KAZN: variants seen among roughly 807,000 people sequenced by gnomAD.
The protein encoded by KAZN is kazrin, periplakin interacting protein.
In KAZN, 40 loss-of-function variants were observed where a neutral mutation model predicts 87.4. That is an observed-to-expected ratio of 0.46 (90% confidence interval 0.36 to 0.60). KAZN has a LOEUF of 0.60. Ranked by LOEUF, KAZN falls within the 20% of genes least tolerant of loss-of-function variation. The probability of loss-of-function intolerance (pLI) is 0.00; values close to 1 mark genes in which losing one functional copy is unlikely to be tolerated. For synonymous variants in KAZN, 466 were observed against 458.3 expected (o/e 1.02, Z -0.22); for missense variants, 898 against 1,073.9 (o/e 0.84, Z 2.29).
chr1:14,592,469 A>G (rs1676260033), intron 2 of KAZN, among the ~76,000 whole-genome samples: 1 of 152,212 alleles, frequency 6.6e-6, no homozygotes, highest in Non-Finnish European at 1.5e-5. Flanking sequence ...GTAAATGCAG[A>G]TATCGAGACA....
intron 1 of KAZN, among the ~76,000 whole-genome samples, chr1:14,801,200 G>A (rs1646004977): frequency 6.6e-6 from 1 of 152,100 alleles, no homozygotes; most frequent in South Asian, 2.1e-4. Flanking sequence ...AGTCGGAGCC[G>A]TCTCAGGGTG....
intron 2 of KAZN, among the ~76,000 whole-genome samples, chr1:14,330,196 T>C (rs545033603): frequency 1.3e-5 from 2 of 152,094 alleles, no homozygotes; most frequent in African/African-American, 2.4e-5. Context: ...TTTGTTGGGG[T>C]TTTTTTGCCT....
At chr1:14,217,219 A>G (rs1646976988) in intron 2 of KAZN, among the ~76,000 whole-genome samples, 1 of 152,178 alleles carries the variant, frequency 6.6e-6, no homozygotes, top group Non-Finnish European at 1.5e-5. Flanking sequence ...CTGTGGGCCA[A>G]TAAATTTTTC....
intron 2 of KAZN, among the ~76,000 whole-genome samples, chr1:14,318,449 G>A (rs963378162): frequency 1.4e-4 from 22 of 152,090 alleles, no homozygotes; most frequent in African/African-American, 5.3e-4. Flanking sequence ...TGAGTTTAAT[G>A]TGTGAGTTTT....
chr1:14,046,467 G>C (rs1642078404), intron 1 of KAZN, among the ~76,000 whole-genome samples: 1 of 152,112 alleles, frequency 6.6e-6, no homozygotes, highest in South Asian at 2.1e-4. Context: ...GATGAAAGAA[G>C]CCCAAGGGTG....
intron 1 of KAZN, among the ~76,000 whole-genome samples, chr1:13,916,869 C>T (rs937126415): frequency 2.6e-5 from 4 of 151,666 alleles, no homozygotes; most frequent in East Asian, 1.9e-4. Context: ...TGAGTGGGCT[C>T]GGGGAGAATG....
intron 1 of KAZN, among the ~76,000 whole-genome samples, chr1:13,968,537 T>C (rs1642024451): frequency 6.6e-6 from 1 of 152,204 alleles, no homozygotes; most frequent in African/African-American, 2.4e-5. Context: ...GGGTCTACAC[T>C]TCCTATCTAC....
chr1:14,527,866 GCC>G (rs890401264), intron 2 of KAZN, among the ~76,000 whole-genome samples: 10 of 152,062 alleles, frequency 6.6e-5, no homozygotes, highest in Admixed American at 5.9e-4. Context: ...CTTCTATCAG[GCC>G]CCACCTCCAA....
intron 1 of KAZN, among the ~76,000 whole-genome samples, chr1:14,855,126 C>G (rs1450813762): frequency 2.0e-5 from 3 of 152,128 alleles, no homozygotes; most frequent in African/African-American, 7.2e-5. Flanking sequence ...GTCTAGGAAG[C>G]ATGGCTGGGG....
intron 1 of KAZN, among the ~76,000 whole-genome samples, chr1:14,854,808 A>G (rs1275002590): frequency 6.6e-6 from 1 of 152,102 alleles, no homozygotes; most frequent in African/African-American, 2.4e-5. Context: ...CATCTCCCCT[A>G]GTTCCTAAAG....
chr1:14,091,286 C>A (rs1643987494), intron 1 of KAZN, among the ~76,000 whole-genome samples: 1 of 152,160 alleles, frequency 6.6e-6, no homozygotes. Flanking sequence ...CCTCTCACTG[C>A]ATCTTGGTCT....
intron 2 of KAZN, among the ~76,000 whole-genome samples, chr1:14,400,682 G>A (rs1473880974): frequency 1.3e-5 from 2 of 152,128 alleles, no homozygotes; most frequent in Non-Finnish European, 2.9e-5. Context: ...GCTTTATTCA[G>A]CCCATCAACC....
intron 2 of KAZN, among the ~76,000 whole-genome samples, chr1:14,452,249 TG>T (rs1667317865): frequency 6.6e-6 from 1 of 152,104 alleles, no homozygotes; most frequent in Non-Finnish European, 1.5e-5. Context: ...CAACTTTGAA[TG>T]GGTAGACTAA....
At chr1:14,240,698 C>T (rs1390614911) in intron 2 of KAZN, among the ~76,000 whole-genome samples, 1 of 152,222 alleles carries the variant, frequency 6.6e-6, no homozygotes, top group African/African-American at 2.4e-5. Flanking sequence ...TCTCTTGGGC[C>T]TTTTGTCCAA....
intron 1 of KAZN, among the ~76,000 whole-genome samples, chr1:14,896,598 G>A (rs1655303768): frequency 6.6e-6 from 1 of 152,186 alleles, no homozygotes; most frequent in Non-Finnish European, 1.5e-5. Context: ...GATCTCTGCT[G>A]GTGGGGAGCA....
rs556386329 is a variant in KAZN, at chr1:14,031,261, AC to A, written c.91+137506del. On this transcript the variant is annotated intron_variant, in intron 1 of 16. Coordinates refer to the KAZN transcript ENST00000636203. ...ACAATTCAGACTTCAATAGGGACCC[AC>A]ATTAATATAATTATATACAAAAAAT... Among the ~76,000 whole-genome samples, 6 of 152,366 alleles carry A rather than the reference AC, an allele frequency of 3.9e-5. No homozygotes were observed. The East Asian group carries it at 1.2e-3, about 29-fold the overall frequency.
intron 1 of KAZN, among the ~76,000 whole-genome samples, chr1:13,913,257 A>G (rs1178800862): frequency 6.6e-6 from 1 of 152,156 alleles, no homozygotes; most frequent in Non-Finnish European, 1.5e-5. Context: ...GAGAGAAACT[A>G]GAGGAATTGT....
At chr1:14,414,210 T>G (rs1451803393) in intron 2 of KAZN, among the ~76,000 whole-genome samples, 1 of 152,130 alleles carries the variant, frequency 6.6e-6, no homozygotes, top group African/African-American at 2.4e-5. Flanking sequence ...TTGGCAATAT[T>G]TAGTAACACT....
intron 2 of KAZN, among the ~76,000 whole-genome samples, chr1:14,968,339 G>A (rs1664675549): frequency 6.6e-6 from 1 of 152,144 alleles, no homozygotes; most frequent in South Asian, 2.1e-4. Flanking sequence ...TAATGTGAGT[G>A]ATGGGGAGCA....
Sources: allele counts gnomAD v4.1 joint callset (sites outside exome capture counted in the v4.1 genomes callset), GRCh38; gene constraint gnomAD v4.1.1; transcripts MANE v1.5; gene names NCBI Gene and HGNC (gene_info 2026-07-23, HGNC 2026-07-21).